ARID4B: variants seen among roughly 807,000 people sequenced by gnomAD.
ARID4B encodes the protein AT-rich interactive domain-containing protein 4B.
ARID4B carries 26 observed loss-of-function variants against 147.5 expected under a neutral mutation model. The ratio of observed to expected loss-of-function variants is 0.18; its 90% CI spans 0.13 to 0.24. The LOEUF is 0.24. Ranked by LOEUF, ARID4B falls within the 10% of genes least tolerant of loss-of-function variation. The pLI is 1.00. For missense variants in ARID4B, 1,179 were observed against 1,511.5 expected (o/e 0.78, Z 3.65); for synonymous variants, 512 against 507.9 (o/e 1.01, Z -0.11).
intron 19 of ARID4B, among the ~76,000 whole-genome samples, chr1:235,183,852 T>C (rs942207145): frequency 5.3e-5 from 8 of 151,646 alleles, no homozygotes; most frequent in African/African-American, 1.9e-4. Context: ...GGCACTATCA[T>C]GGCTCACTGC....
intron 13 of ARID4B, among the ~76,000 whole-genome samples, chr1:235,222,420 C>CA (rs1207360388): frequency 3.3e-5 from 5 of 152,100 alleles, no homozygotes; most frequent in Non-Finnish European, 7.4e-5. Context: ...TATCGTACAT[C>CA]ACGTCAACCT....
intron 7 of ARID4B, among the ~76,000 whole-genome samples, chr1:235,244,317 A>G (rs1473969439): frequency 6.6e-6 from 1 of 152,200 alleles, no homozygotes; most frequent in Non-Finnish European, 1.5e-5. Flanking sequence ...TTGCCAGATT[A>G]TGGGAAAACA....
intron 17 of ARID4B, among the ~76,000 whole-genome samples, chr1:235,201,000 C>T (rs1276967459): frequency 6.6e-6 from 1 of 151,980 alleles, no homozygotes; most frequent in African/African-American, 2.4e-5. Flanking sequence ...AAAAAATTAG[C>T]TGGCTGTGGC....
chr1:235,213,783 G>A lies in ARID4B; in HGVS notation c.1827C>T (p.Cys609=), dbSNP rs767211311. Residue 609 remains cysteine (C), a synonymous_variant, in exon 17 of 24, where the codon TGC becomes TGT. Coordinates refer to ENST00000264183, the MANE Select transcript of ARID4B (RefSeq NM_016374.6). ...GGEVLYLVHY[C]GWNVRYDEWI... is the part of the protein sequence containing the mutation. ...ACTCAAGTTACCTCACATTCCATCC[G>A]CAGTAATGCACCAAGTAAAGGACCT... 8.7e-6 allele frequency: 14 copies of A among 1,611,720 alleles called. 2 individuals are homozygous for A. Among genetic ancestry groups the A allele is most frequent in the South Asian group, 2.2e-5 (2 of 90,670 alleles).
At chr1:235,268,745 C>T (rs1020537234) in intron 2 of ARID4B, among the ~76,000 whole-genome samples, 2 of 152,148 alleles carry the variant, frequency 1.3e-5, no homozygotes, top group South Asian at 2.1e-4. Flanking sequence ...CTCAAACTCC[C>T]GACTTCGTGA....
At chr1:235,173,728 A>C (rs1663536557) in intron 22 of ARID4B, among the ~76,000 whole-genome samples, 1 of 116,636 alleles carries the variant, frequency 8.6e-6, no homozygotes, top group African/African-American at 3.2e-5. Context: ...ACATAATGAG[A>C]CCTCGTCTCT....
intron 2 of ARID4B, among the ~76,000 whole-genome samples, chr1:235,266,039 C>T (rs546356873): frequency 6.6e-6 from 1 of 152,098 alleles, no homozygotes; most frequent in South Asian, 2.1e-4. Flanking sequence ...TGTGTATATA[C>T]GTGGGGAAGA....
At chr1:235,220,019 T>G in intron 15 of ARID4B, 51 bp from the exon 16 acceptor site, 1 of 1,247,396 alleles carries the variant, frequency 8.0e-7, no homozygotes, top group Non-Finnish European at 1.1e-6. Flanking sequence ...ATTTTCAACC[T>G]ATATCCATGG....
chr1:235,288,388 C>A (rs979192584), intron 2 of ARID4B, among the ~76,000 whole-genome samples: 1 of 152,090 alleles, frequency 6.6e-6, no homozygotes, highest in South Asian at 2.1e-4. Flanking sequence ...ATATGTTCTT[C>A]CAGGTTTTTT....
intron 9 of ARID4B, among the ~76,000 whole-genome samples, chr1:235,233,122 C>A (rs1303987966): frequency 6.6e-6 from 1 of 152,160 alleles, no homozygotes; most frequent in East Asian, 1.9e-4. Flanking sequence ...CAGGCGTGAG[C>A]CACCGCGCCC....
chr1:235,169,269 CTCTG>C (rs1663157459), intron 23 of ARID4B, among the ~76,000 whole-genome samples: 2 of 151,848 alleles, frequency 1.3e-5, no homozygotes, highest in Non-Finnish European at 2.9e-5. Context: ...CAAAGTCTCG[CTCTG>C]TCTGTCGCCC....
At chr1:235,227,090 A>G (rs1262847264) in intron 11 of ARID4B, among the ~76,000 whole-genome samples, 1 of 152,190 alleles carries the variant, frequency 6.6e-6, no homozygotes, top group Non-Finnish European at 1.5e-5. Context: ...ATTGAACAGG[A>G]ATGTACCATG....
intron 2 of ARID4B, among the ~76,000 whole-genome samples, chr1:235,301,674 G>A (rs557702187): frequency 3.3e-4 from 50 of 150,850 alleles, no homozygotes; most frequent in Non-Finnish European, 2.5e-4. Flanking sequence ...CTCAGCTACC[G>A]GAGTAGCTGG....
intron 17 of ARID4B, among the ~76,000 whole-genome samples, chr1:235,212,706 AAGTT>A (rs896122855): frequency 2.0e-4 from 30 of 152,302 alleles, no homozygotes; most frequent in South Asian, 1.5e-3. Context: ...GTAGAATGAA[AAGTT>A]AGTAAGGACA....
At chr1:235,257,522 G>A (rs1048810491) in intron 3 of ARID4B, among the ~76,000 whole-genome samples, 3 of 148,246 alleles carry the variant, frequency 2.0e-5, no homozygotes, top group South Asian at 2.1e-4. Flanking sequence ...TCACTCTGTC[G>A]CCCAGGTTGG....
chr1:235,299,392 T>C (rs1416538145), intron 2 of ARID4B, among the ~76,000 whole-genome samples: 3 of 152,168 alleles, frequency 2.0e-5, no homozygotes, highest in African/African-American at 7.2e-5. Flanking sequence ...TTTTGTATTT[T>C]TAGTAGAGAC....
At chr1:235,265,329 G>A (rs1670535404) in intron 2 of ARID4B, among the ~76,000 whole-genome samples, 1 of 151,470 alleles carries the variant, frequency 6.6e-6, no homozygotes, top group South Asian at 2.1e-4. Flanking sequence ...TTGTGCCATT[G>A]CACTCCAGCC....
intron 2 of ARID4B, among the ~76,000 whole-genome samples, chr1:235,302,642 C>G (rs545695572): frequency 3.3e-4 from 51 of 152,244 alleles, no homozygotes; most frequent in African/African-American, 1.2e-3. Context: ...TAACACTGCT[C>G]TAAACAATAC....
At chr1:235,230,436 CAAAACA>C (rs1313606832) in intron 10 of ARID4B, among the ~76,000 whole-genome samples, 1 of 144,474 alleles carries the variant, frequency 6.9e-6, no homozygotes, top group Non-Finnish European at 1.5e-5. Context: ...CAAAACAAAA[CAAAACA>C]AAAAAAACAA....
Sources: gnomAD v4.1 joint callset for allele counts (sites outside exome capture counted in the v4.1 genomes callset) on GRCh38, gnomAD v4.1.1 for gene constraint, MANE v1.5 for transcripts, NCBI Gene and HGNC (gene_info 2026-07-23, HGNC 2026-07-21) for gene names.